The following PDGFC variants were observed in gnomAD, a reference collection of about 807,000 sequenced individuals.
PDGFC encodes the protein platelet derived growth factor C, also known as platelet-derived growth factor C.
PDGFC carries 12 observed loss-of-function variants against 35.5 expected under a neutral mutation model. The ratio of observed to expected loss-of-function variants is 0.34; its 90% CI spans 0.22 to 0.55. The LOEUF is 0.55. PDGFC is among the 20% of genes least tolerant of loss of function. PDGFC has a pLI of 0.91. For synonymous variants in PDGFC, 159 were observed against 148.8 expected (o/e 1.07, Z -0.50); for missense variants, 322 against 412.4 (o/e 0.78, Z 1.90).
At chr4:156,859,943 C>T (rs1729671067) in intron 1 of PDGFC, among the ~76,000 whole-genome samples, 1 of 152,080 alleles carries the variant, frequency 6.6e-6, no homozygotes, top group Non-Finnish European at 1.5e-5. Flanking sequence ...ATCCTTTATT[C>T]TAGAATTGGC....
intron 3 of PDGFC, among the ~76,000 whole-genome samples, chr4:156,785,550 T>C (rs1175982332): frequency 6.6e-6 from 1 of 152,056 alleles, no homozygotes; most frequent in African/African-American, 2.4e-5. Flanking sequence ...GATCCATCAG[T>C]TCTCAATCTG....
At chr4:156,926,301 T>C (rs1032323010) in intron 1 of PDGFC, among the ~76,000 whole-genome samples, 3 of 151,956 alleles carry the variant, frequency 2.0e-5, no homozygotes, top group African/African-American at 4.8e-5. Context: ...AGACTGACCA[T>C]GATAGAACCA....
chr4:156,935,156 C>T (rs1029845806), intron 1 of PDGFC, among the ~76,000 whole-genome samples: 9 of 152,024 alleles, frequency 5.9e-5, no homozygotes, highest in African/African-American at 1.9e-4. Context: ...CACCACCACG[C>T]CCAACTAATT....
chr4:156,776,427 G>A (rs575844344), intron 3 of PDGFC, among the ~76,000 whole-genome samples: 1 of 152,282 alleles, frequency 6.6e-6, no homozygotes, highest in Admixed American at 6.5e-5. Context: ...GACACAAACC[G>A]GAAGCAGAGT....
chr4:156,884,347 T>C (rs1317140117), intron 1 of PDGFC, among the ~76,000 whole-genome samples: 3 of 152,180 alleles, frequency 2.0e-5, no homozygotes, highest in Non-Finnish European at 4.4e-5. Context: ...GACTTTGTTA[T>C]GGGTTGCAAG....
At chr4:156,828,130 G>A (rs75004522) in intron 2 of PDGFC, among the ~76,000 whole-genome samples, 9,075 of 152,186 alleles carry the variant, frequency 0.06, 895 homozygotes, top group African/African-American at 0.21. Context: ...AAGTGCTGAC[G>A]GGTGAGGGAG....
intron 2 of PDGFC, among the ~76,000 whole-genome samples, chr4:156,821,804 C>A (rs1732269594): frequency 6.6e-6 from 1 of 152,150 alleles, no homozygotes; most frequent in African/African-American, 2.4e-5. Context: ...CCTGCCTTGG[C>A]TCCCAAAGTG....
intron 1 of PDGFC, among the ~76,000 whole-genome samples, chr4:156,892,947 A>T (rs1240592256): frequency 6.6e-6 from 1 of 152,174 alleles, no homozygotes; most frequent in Non-Finnish European, 1.5e-5. Flanking sequence ...GAGTGAAACT[A>T]TGTAGATAGC....
At chr4:156,772,952 GA>G in intron 3 of PDGFC, 59 bp from the exon 4 acceptor site, 1 of 1,116,576 alleles carries the variant, frequency 9.0e-7, no homozygotes, top group Non-Finnish European at 1.4e-6. Context: ...ATTCCTTCTG[GA>G]CATATGCAAG....
rs916683602 is a variant in PDGFC at position 156,859,450 on chromosome 4, C to T, written c.119-9034G>A. Among the ~76,000 whole-genome samples the T allele has an allele frequency of 5.3e-5, 8 of 152,204 alleles. No homozygotes were observed. In the South Asian group the frequency reaches 1.2e-3, roughly 24 times the overall value. ...GTGCTAAAGTGTTTACAATTGCATA[C>T]ATGATATTTGAAATTTGGAAGTTAT... On this transcript the variant is annotated intron_variant, in intron 1 of 5. Transcript: ENST00000502773.
intron 4 of PDGFC, among the ~76,000 whole-genome samples, chr4:156,770,857 C>G (rs1264182290): frequency 6.6e-6 from 1 of 152,072 alleles, no homozygotes; most frequent in African/African-American, 2.4e-5. Flanking sequence ...TGAGGGTGGT[C>G]TTTCTAAGAT....
At chr4:156,934,487 A>G (rs1485472753) in intron 1 of PDGFC, among the ~76,000 whole-genome samples, 1 of 152,212 alleles carries the variant, frequency 6.6e-6, no homozygotes, top group African/African-American at 2.4e-5. Flanking sequence ...GGCCTAGCAC[A>G]TTACTGTACA....
At chr4:156,943,518 G>C (rs1228809493) in intron 1 of PDGFC, among the ~76,000 whole-genome samples, 1 of 152,062 alleles carries the variant, frequency 6.6e-6, no homozygotes, top group Non-Finnish European at 1.5e-5. Context: ...ACTCTGACAA[G>C]CACCACTATA....
At chr4:156,943,312 T>A (rs1400138548) in intron 1 of PDGFC, among the ~76,000 whole-genome samples, 1 of 152,136 alleles carries the variant, frequency 6.6e-6, no homozygotes. Context: ...TTGATATTAT[T>A]CGCTCTAAAT....
chr4:156,858,091 A>T (rs974869948), intron 1 of PDGFC, among the ~76,000 whole-genome samples: 1 of 152,202 alleles, frequency 6.6e-6, no homozygotes, highest in African/African-American at 2.4e-5. Flanking sequence ...GCCTTATTTA[A>T]GTCTGTTATC....
chr4:156,903,919 T>TTA (rs1280977130), intron 1 of PDGFC, among the ~76,000 whole-genome samples: 7 of 152,188 alleles, frequency 4.6e-5, no homozygotes. Flanking sequence ...TGTACTGGCC[T>TTA]TTAGGCCAAT....
At chr4:156,866,465 A>T (rs1447116678) in intron 1 of PDGFC, among the ~76,000 whole-genome samples, 1 of 152,128 alleles carries the variant, frequency 6.6e-6, no homozygotes, top group Non-Finnish European at 1.5e-5. Flanking sequence ...AAAATCTTTC[A>T]CCAGACTTAC....
At chr4:156,881,560 T>C (rs1730242473) in intron 1 of PDGFC, among the ~76,000 whole-genome samples, 1 of 152,000 alleles carries the variant, frequency 6.6e-6, no homozygotes, top group Non-Finnish European at 1.5e-5. Context: ...TCTCACAAGA[T>C]CTGATGGCTT....
intron 1 of PDGFC, among the ~76,000 whole-genome samples, chr4:156,885,835 T>C (rs1730364249): frequency 6.6e-6 from 1 of 152,094 alleles, no homozygotes; most frequent in South Asian, 2.1e-4. Context: ...CAGGGAGATA[T>C]AAATGCCACT....
Sources: allele counts gnomAD v4.1 joint callset (sites outside exome capture counted in the v4.1 genomes callset), GRCh38; gene constraint gnomAD v4.1.1; transcripts MANE v1.5; gene names NCBI Gene and HGNC (gene_info 2026-07-23, HGNC 2026-07-21).